The following ASIC2 variants were observed in gnomAD, a reference collection of about 807,000 sequenced individuals.
The protein encoded by ASIC2 is acid sensing ion channel subunit 2.
Under a neutral mutation model 57.3 loss-of-function variants are expected in ASIC2, and 25 were observed. The ratio of observed to expected loss-of-function variants is 0.44; its 90% confidence interval spans 0.32 to 0.61. The LOEUF (loss-of-function observed/expected upper bound fraction) is 0.61. ASIC2 is among the 20% of genes least tolerant of loss of function. ASIC2 has a pLI of 0.06. For synonymous variants in ASIC2, 319 were observed against 307.5 expected (o/e 1.04, Z -0.39); for missense variants, 641 against 738.1 (o/e 0.87, Z 1.52).
chr17:33,028,808 C>T (rs547169274), intron 3 of ASIC2, among the ~76,000 whole-genome samples: 1 of 152,318 alleles, frequency 6.6e-6, no homozygotes, highest in South Asian at 2.1e-4. Flanking sequence ...AACTAAATTC[C>T]ACCCTCTTGG....
intron 1 of ASIC2, among the ~76,000 whole-genome samples, chr17:33,725,926 C>A (rs887570929): frequency 1.3e-5 from 2 of 152,054 alleles, no homozygotes; most frequent in Non-Finnish European, 2.9e-5. Context: ...GTCCAGGAGC[C>A]GACTCTGGAA....
intron 1 of ASIC2, among the ~76,000 whole-genome samples, chr17:33,505,450 A>G (rs1914219683): frequency 6.6e-6 from 1 of 152,012 alleles, no homozygotes; most frequent in Non-Finnish European, 1.5e-5. Context: ...CAGTTTAAAC[A>G]TTATTGTTTA....
chr17:33,020,871 C>G (rs1033498828), intron 7 of ASIC2, among the ~76,000 whole-genome samples: 1 of 152,080 alleles, frequency 6.6e-6, no homozygotes, highest in Non-Finnish European at 1.5e-5. Context: ...CTCTCCATGG[C>G]CCCAGGATCC....
intron 1 of ASIC2, among the ~76,000 whole-genome samples, chr17:33,883,553 C>A (rs941601538): frequency 2.7e-4 from 41 of 152,174 alleles, no homozygotes; most frequent in Non-Finnish European, 1.5e-5. Context: ...CTGTCTTGAG[C>A]CACACTCCCA....
At chr17:34,043,277 C>T (rs531079711) in intron 1 of ASIC2, among the ~76,000 whole-genome samples, 3 of 152,210 alleles carry the variant, frequency 2.0e-5, no homozygotes, top group Admixed American at 6.5e-5. Context: ...TTCTATTTTT[C>T]TATATGTATG....
At chr17:33,222,267 A>T (rs557683690) in intron 1 of ASIC2, among the ~76,000 whole-genome samples, 1 of 152,266 alleles carries the variant, frequency 6.6e-6, no homozygotes, top group South Asian at 2.1e-4. Flanking sequence ...TGAAGTACTG[A>T]TATATGCTAC....
At chr17:33,835,772 C>T (rs1658265397) in intron 1 of ASIC2, among the ~76,000 whole-genome samples, 3 of 151,984 alleles carry the variant, frequency 2.0e-5, no homozygotes, top group South Asian at 2.1e-4. Context: ...TTTCCAGGTC[C>T]TGTATAAAAT....
At chr17:33,467,730 ATC>A (rs928354265) in intron 1 of ASIC2, among the ~76,000 whole-genome samples, 1 of 152,184 alleles carries the variant, frequency 6.6e-6, no homozygotes, top group African/African-American at 2.4e-5. Flanking sequence ...CCAATCAGAA[ATC>A]TCTGAATCTA....
intron 1 of ASIC2, among the ~76,000 whole-genome samples, chr17:34,022,104 G>A (rs1308596159): frequency 6.6e-6 from 1 of 152,098 alleles, no homozygotes; most frequent in Admixed American, 6.5e-5. Context: ...TCCAAAGTGG[G>A]GGGTTGGTAT....
At chr17:33,190,492 A>G (rs915509007) in intron 1 of ASIC2, among the ~76,000 whole-genome samples, 3 of 152,212 alleles carry the variant, frequency 2.0e-5, no homozygotes, top group East Asian at 1.9e-4. Context: ...ATGAAACCCA[A>G]TGAAAATCTC....
chr17:34,076,338 T>C (rs1165036685), intron 1 of ASIC2, among the ~76,000 whole-genome samples: 1 of 152,118 alleles, frequency 6.6e-6, no homozygotes, highest in Non-Finnish European at 1.5e-5. Context: ...TACTGCTGGC[T>C]CCATGAGGCC....
At chr17:33,795,986 C>T (rs1796104400) in intron 1 of ASIC2, among the ~76,000 whole-genome samples, 1 of 152,208 alleles carries the variant, frequency 6.6e-6, no homozygotes, top group South Asian at 2.1e-4. Context: ...AGTAGATTAT[C>T]AACACTGTTA....
At chr17:33,098,353 C>T (rs2092192650) in intron 2 of ASIC2, among the ~76,000 whole-genome samples, 1 of 146,486 alleles carries the variant, frequency 6.8e-6, no homozygotes, top group Admixed American at 6.8e-5. Context: ...CTCTCCAACC[C>T]TTCCCTGACA....
At chr17:34,095,058 C>T (rs1910467886) in intron 1 of ASIC2, among the ~76,000 whole-genome samples, 1 of 152,174 alleles carries the variant, frequency 6.6e-6, no homozygotes, top group African/African-American at 2.4e-5. Flanking sequence ...ATGTCCCACC[C>T]CTGGGTCTTC....
At chr17:33,088,791 C>A in intron 3 of ASIC2, 72 bp downstream of exon 3, 1 of 1,482,030 alleles carries the variant, frequency 6.7e-7, no homozygotes, top group Non-Finnish European at 9.0e-7. Context: ...AATTCCATTT[C>A]TCCTCCTTGT....
intron 1 of ASIC2, among the ~76,000 whole-genome samples, chr17:34,136,974 C>T (rs1302127061): frequency 6.6e-6 from 1 of 152,200 alleles, no homozygotes; most frequent in Non-Finnish European, 1.5e-5. Context: ...AGATCCTCAC[C>T]TGCTCTTTTC....
At chr17:33,592,962 G>T (rs1429399626) in intron 1 of ASIC2, among the ~76,000 whole-genome samples, 1 of 152,162 alleles carries the variant, frequency 6.6e-6, no homozygotes, top group Non-Finnish European at 1.5e-5. Flanking sequence ...GCAGCTTACA[G>T]ACCCCTAGAG....
At position 33,062,043 on chromosome 17, in the gene ASIC2, C is replaced by T. The variant is rs199672115; in HGVS notation, c.987+26820G>A. Among the ~76,000 whole-genome samples, 4 of 151,846 alleles carry T rather than the reference C, an allele frequency of 2.6e-5. No individual in the cohort carries two copies. The East Asian group carries it at 7.7e-4, about 29-fold the overall frequency. ...CATTTTTTATTGCGTCTATTTGATTCTTCTCTCTTTTCTTCTTTATTAGTC... is the reference window on the plus strand; with the variant it reads ...CATTTTTTATTGCGTCTATTTGATTTTTCTCTCTTTTCTTCTTTATTAGTC... On this transcript the variant is annotated intron_variant, in intron 3 of 9. Transcript: ENST00000225823.
intron 1 of ASIC2, among the ~76,000 whole-genome samples, chr17:33,526,536 C>T (rs1914889037): frequency 6.6e-6 from 1 of 152,192 alleles, no homozygotes; most frequent in Non-Finnish European, 1.5e-5. Flanking sequence ...TTTCTCTCCA[C>T]TTGTTTCTCT....
Sources: gnomAD v4.1 joint callset for allele counts (sites outside exome capture counted in the v4.1 genomes callset) on GRCh38, gnomAD v4.1.1 for gene constraint, MANE v1.5 for transcripts, NCBI Gene and HGNC (gene_info 2026-07-23, HGNC 2026-07-21) for gene names.